The following DDR2 variants were observed in gnomAD, a reference collection of about 807,000 sequenced individuals.
DDR2 encodes discoidin domain receptor tyrosine kinase 2.
Under a neutral mutation model 94.9 loss-of-function variants are expected in DDR2, and 27 were observed. The observed-to-expected ratio is 0.28, with a 90% CI of 0.21 to 0.39. The LOEUF (loss-of-function observed/expected upper bound fraction) is 0.39, where lower values mean the gene tolerates loss of function less well. Among genes scored for constraint, DDR2 ranks in the 10% least tolerant of loss-of-function variants. DDR2 has a pLI of 1.00. For missense variants in DDR2, 783 were observed against 1,076.0 expected (o/e 0.73, Z 3.81); for synonymous variants, 382 against 377.2 (o/e 1.01, Z -0.15).
chr1:162,704,259 T>A (rs1054182412), intron 2 of DDR2, among the ~76,000 whole-genome samples: 2 of 152,176 alleles, frequency 1.3e-5, no homozygotes, highest in African/African-American at 4.8e-5. Flanking sequence ...GATAAATGCC[T>A]GTTCCATTCC....
At chr1:162,693,272 A>AT (rs1660038383) in intron 2 of DDR2, among the ~76,000 whole-genome samples, 1 of 152,162 alleles carries the variant, frequency 6.6e-6, no homozygotes, top group African/African-American at 2.4e-5. Flanking sequence ...TCACTTTGTC[A>AT]TTGAGCTTTA....
intron 2 of DDR2, among the ~76,000 whole-genome samples, chr1:162,674,535 T>G (rs1659036462): frequency 6.6e-6 from 1 of 152,238 alleles, no homozygotes; most frequent in Admixed American, 6.5e-5. Flanking sequence ...CAGAGCAGGA[T>G]TAACCTGCTT....
chr1:162,739,136 C>T (rs1456470456), intron 3 of DDR2, among the ~76,000 whole-genome samples: 6 of 132,670 alleles, frequency 4.5e-5, no homozygotes, highest in Non-Finnish European at 6.4e-5. Context: ...AGAGCTTCTG[C>T]ACAGCAAAAG....
chr1:162,710,098 G>A (rs1381463274), intron 2 of DDR2, among the ~76,000 whole-genome samples: 1 of 152,204 alleles, frequency 6.6e-6, no homozygotes, highest in Non-Finnish European at 1.5e-5. Context: ...ATAGTCATGT[G>A]ACTCAACATC....
At chr1:162,687,013 G>A (rs1659719514) in intron 2 of DDR2, among the ~76,000 whole-genome samples, 2 of 152,220 alleles carry the variant, frequency 1.3e-5, no homozygotes, top group African/African-American at 2.4e-5. Context: ...CAAGGTGAAG[G>A]TTTTGGTTGG....
chr1:162,734,119 T>C (rs1662186917), intron 3 of DDR2, among the ~76,000 whole-genome samples: 1 of 152,242 alleles, frequency 6.6e-6, no homozygotes, highest in Admixed American at 6.5e-5. Context: ...CAAAAACTTA[T>C]TTATTAAATA....
chr1:162,739,865 A>G (rs1043992256), intron 3 of DDR2, among the ~76,000 whole-genome samples: 1 of 152,040 alleles, frequency 6.6e-6, no homozygotes, highest in African/African-American at 2.4e-5. Context: ...TAGGGTAGCC[A>G]GTAGAATCTT....
intron 2 of DDR2, among the ~76,000 whole-genome samples, chr1:162,704,869 G>A (rs1660590343): frequency 6.6e-6 from 1 of 152,144 alleles, no homozygotes; most frequent in East Asian, 1.9e-4. Flanking sequence ...GTTTACTAAG[G>A]ACTCTCAACA....
chr1:162,686,133 C>T (rs1659675993), intron 2 of DDR2, among the ~76,000 whole-genome samples: 1 of 152,176 alleles, frequency 6.6e-6, no homozygotes, highest in African/African-American at 2.4e-5. Context: ...TCAAGCGATT[C>T]TCCTACTTTA....
intron 3 of DDR2, among the ~76,000 whole-genome samples, chr1:162,742,886 A>G (rs1662679237): frequency 6.6e-6 from 1 of 152,092 alleles, no homozygotes; most frequent in Non-Finnish European, 1.5e-5. Flanking sequence ...CCCCTGATAA[A>G]CCCATCAGAT....
chr1:162,699,696 C>T lies in DDR2; in HGVS notation c.-27-19341C>T, dbSNP rs1476689178. 2.0e-5 allele frequency among the ~76,000 whole-genome samples: 3 copies of T among 151,400 alleles called. No homozygotes were observed. In the Admixed American group the frequency reaches 2.0e-4, roughly 10 times the overall value. On this transcript the variant is annotated intron_variant, in intron 2 of 17. Transcript: ENST00000367921. ...AGAATATCTTCGATGAATTCAGCTT[C>T]TCTTAATCTCACTTTTATCTCCTTT... is the stretch of plus-strand genomic sequence containing the variant.
intron 3 of DDR2, among the ~76,000 whole-genome samples, chr1:162,736,919 G>T (rs1042360705): frequency 6.6e-6 from 1 of 152,182 alleles, no homozygotes; most frequent in African/African-American, 2.4e-5. Context: ...GGGGAAAGTG[G>T]GGTAAGGACA....
chr1:162,707,269 C>T (rs1660704132), intron 2 of DDR2, among the ~76,000 whole-genome samples: 1 of 152,170 alleles, frequency 6.6e-6, no homozygotes, highest in Non-Finnish European at 1.5e-5. Context: ...TTTCCTAAGG[C>T]AATTGAGCCT....
chr1:162,699,071 C>T (rs915185950), intron 2 of DDR2, among the ~76,000 whole-genome samples: 4 of 152,060 alleles, frequency 2.6e-5, no homozygotes, highest in African/African-American at 9.7e-5. Flanking sequence ...CAATGGGAAG[C>T]TCCCATGACG....
intron 1 of DDR2, among the ~76,000 whole-genome samples, chr1:162,638,094 C>T (rs889567731): frequency 5.3e-5 from 8 of 152,140 alleles, no homozygotes; most frequent in Non-Finnish European, 1.0e-4. Flanking sequence ...GATCTTGGCT[C>T]ACTGCACCCT....
At chr1:162,759,648 C>G in intron 7 of DDR2, 148 bp from the exon 8 acceptor site, 1 of 891,108 alleles carries the variant, frequency 1.1e-6, no homozygotes, top group South Asian at 1.6e-5. Context: ...TACTATAATG[C>G]AAATCTGATT....
At chr1:162,747,791 T>G (rs980364651) in intron 3 of DDR2, among the ~76,000 whole-genome samples, 1 of 152,188 alleles carries the variant, frequency 6.6e-6, no homozygotes, top group Non-Finnish European at 1.5e-5. Context: ...ATCAGCCTAA[T>G]AGCGGATCTC....
intron 2 of DDR2, among the ~76,000 whole-genome samples, chr1:162,666,092 G>A (rs1386975384): frequency 6.6e-6 from 1 of 152,154 alleles, no homozygotes; most frequent in Non-Finnish European, 1.5e-5. Context: ...AACGCCAAGA[G>A]CATCTTTGCC....
intron 2 of DDR2, among the ~76,000 whole-genome samples, chr1:162,706,370 A>G (rs1571222743): frequency 1.3e-5 from 2 of 152,200 alleles, no homozygotes; most frequent in South Asian, 4.1e-4. Flanking sequence ...GAAAAATTCT[A>G]CATTCATATG....
Sources: allele counts gnomAD v4.1 joint callset (sites outside exome capture counted in the v4.1 genomes callset), GRCh38; gene constraint gnomAD v4.1.1; transcripts MANE v1.5; gene names NCBI Gene and HGNC (gene_info 2026-07-23, HGNC 2026-07-21).